Variants in GNL3L observed in about 807,000 individuals in gnomAD.
GNL3L encodes the protein G protein nucleolar 3 like, also known as guanine nucleotide-binding protein-like 3-like protein.
In GNL3L, 4 loss-of-function variants were observed where a neutral mutation model predicts 42.9. The ratio of observed to expected loss-of-function variants is 0.09; its 90% confidence interval spans 0.05 to 0.21. The LOEUF is 0.21. Ranked by LOEUF, GNL3L falls within the 10% of genes least tolerant of loss-of-function variation. GNL3L has a pLI of 1.00. For synonymous variants in GNL3L, 159 were observed against 176.3 expected, an observed-to-expected ratio of 0.90 and a Z score of 0.78; for missense variants, 412 against 481.7, an observed-to-expected ratio of 0.86 and a Z score of 1.36.
At position 54,565,728 on chromosome X, in the gene GNL3L, T is replaced by A. The variant is rs1257085268; in HGVS notation, c.*5126T>A. Among the ~76,000 whole-genome samples the A allele has an allele frequency of 1.8e-5, 2 of 111,148 alleles. No homozygotes were observed. Among genetic ancestry groups the A allele is most frequent in the Non-Finnish European group, 3.8e-5 (2 of 53,054 alleles). On this transcript the variant is annotated 3_prime_UTR_variant, in exon 16 of 16. Transcript: ENST00000360845. ...ATATTTTATATGCTTATTTGCTATC[T>A]ACATATCTTCTTTGGCAAGGTGTTC...
chrX:54,555,296 G>A (rs1925058020), intron 14 of GNL3L, among the ~76,000 whole-genome samples: 1 of 110,688 alleles, frequency 9.0e-6, no homozygotes, highest in South Asian at 3.8e-4. Context: ...TTACAGGCAT[G>A]AGCCACCATG....
intron 2 of GNL3L, among the ~76,000 whole-genome samples, chrX:54,537,806 G>A (rs1424859436): frequency 9.0e-6 from 1 of 110,567 alleles, no homozygotes. Flanking sequence ...ATGGGGTCTT[G>A]CTTTGTTGCC....
chrX:54,625,825 CAA>C (rs1267603841), downstream of GNL3L, among the ~76,000 whole-genome samples: 1 of 110,452 alleles, frequency 9.1e-6, no homozygotes, highest in Non-Finnish European at 1.9e-5. Flanking sequence ...CGGACAATGA[CAA>C]AGCAGAAAAA....
intron 16 of GNL3L, among the ~76,000 whole-genome samples, chrX:54,607,030 TTC>T (rs1172770020): frequency 1.5e-5 from 1 of 68,190 alleles, no homozygotes; most frequent in African/African-American, 1.0e-4. Flanking sequence ...CTTTCTTTCT[TTC>T]TTTCTTTCTT....
chrX:54,549,519 C>T (rs1331855123), intron 9 of GNL3L, among the ~76,000 whole-genome samples: 4 of 112,126 alleles, frequency 3.6e-5, no homozygotes, highest in Non-Finnish European at 5.6e-5. Flanking sequence ...GCCAACATGG[C>T]GAAACCCCAT....
chrX:54,583,687 G>A (rs1043554152), intron 16 of GNL3L, among the ~76,000 whole-genome samples: 3 of 110,457 alleles, frequency 2.7e-5, no homozygotes, highest in African/African-American at 6.6e-5. Flanking sequence ...TGTCACCCAC[G>A]TTGCAGTGTA....
intron 16 of GNL3L, among the ~76,000 whole-genome samples, chrX:54,578,760 T>C (rs1939475740): frequency 1.8e-5 from 2 of 112,495 alleles, no homozygotes; most frequent in Admixed American, 1.9e-4. Context: ...TTAACCTAAG[T>C]TTTTATTCCA....
intron 16 of GNL3L, among the ~76,000 whole-genome samples, chrX:54,599,382 G>T (rs2884905): frequency 0.13 from 14,261 of 110,304 alleles, 911 homozygotes; most frequent in East Asian, 0.49. Context: ...GAAGGAAAAT[G>T]ATATAAATCT....
chrX:54,617,659 G>C (rs922700743), intron 16 of GNL3L, among the ~76,000 whole-genome samples: 1 of 111,389 alleles, frequency 9.0e-6, no homozygotes, highest in Admixed American at 9.6e-5. Context: ...GCCTTTGGGA[G>C]GTGATTAAAT....
At chrX:54,552,209 T>G (rs1924964224) in intron 12 of GNL3L, 83 bp from the exon 13 acceptor site, 3 of 1,024,564 alleles carry the variant, frequency 2.9e-6, no homozygotes, top group Non-Finnish European at 4.1e-6. Flanking sequence ...TTGCTGTTTC[T>G]GGCCTGCAAA....
At chrX:54,607,082 C>CTTTCTTTCTTTCTTTCTTTCTTTCT (rs1557200532) in intron 16 of GNL3L, among the ~76,000 whole-genome samples, 1 of 21,976 alleles carries the variant, frequency 4.6e-5, no homozygotes, top group African/African-American at 1.2e-4. Context: ...CTCTTTCTTT[C>CTTTCTTTCTTTCTTTCTTTCTTTCT]TTCTTTCTTT....
chrX:54,561,319 C>T lies in GNL3L; in HGVS notation c.*717C>T, dbSNP rs1925263986. On this transcript the variant is annotated 3_prime_UTR_variant, in exon 16 of 16. Coordinates refer to ENST00000360845, the MANE Select transcript of GNL3L (RefSeq NM_001184819.2). Reference sequence around the variant, plus strand: ...TGCGGGAGGGTGATGGTTTCTTTACCACCCCACAGGAGATTTCAGTGGCAA... The same window carrying T: ...TGCGGGAGGGTGATGGTTTCTTTACTACCCCACAGGAGATTTCAGTGGCAA... Among the ~76,000 whole-genome samples the T allele has an allele frequency of 9.0e-6, 1 of 111,704 alleles. No individual in the cohort carries two copies. Among genetic ancestry groups the T allele is most frequent in the Non-Finnish European group, 1.9e-5 (1 of 53,155 alleles).
At chrX:54,559,330 T>C (rs181111567) in intron 15 of GNL3L, among the ~76,000 whole-genome samples, 1 of 111,306 alleles carries the variant, frequency 9.0e-6, no homozygotes, top group East Asian at 2.8e-4. Context: ...TATATATCAA[T>C]AGGCAATATA....
At chrX:54,582,985 G>T (rs1925736507) in intron 16 of GNL3L, among the ~76,000 whole-genome samples, 1 of 111,706 alleles carries the variant, frequency 9.0e-6, no homozygotes, top group African/African-American at 3.3e-5. Context: ...CATGTCTTTT[G>T]TATATTTTCT....
chrX:54,599,250 A>G (rs1569542530), intron 16 of GNL3L, among the ~76,000 whole-genome samples: 1 of 112,013 alleles, frequency 8.9e-6, no homozygotes, highest in Non-Finnish European at 1.9e-5. Context: ...CTAAAATTTT[A>G]TATCCAGTGA....
rs758836687 is a variant in GNL3L at position 54,611,185 on chromosome X, A to G, written c.*46-9660A>G. Among the ~76,000 whole-genome samples, 7 of 111,323 alleles carry G rather than the reference A, an allele frequency of 6.3e-5. No individual in the cohort carries two copies. In the East Asian group the frequency reaches 1.1e-3, roughly 18 times the overall value. On this transcript the variant is annotated intron_variant, in intron 16 of 16. Transcript: ENST00000674498. ...TGATCTTTTGTATTTCAGTGGTGTC[A>G]GTTGTAATATCTCCTGTTTCATTTC...
chrX:54,579,999 T>G (rs1473240033), intron 16 of GNL3L, among the ~76,000 whole-genome samples: 1 of 103,556 alleles, frequency 9.7e-6, no homozygotes, highest in Non-Finnish European at 2.0e-5. Flanking sequence ...TTTTTTTTTT[T>G]TTTTTTTTTT....
chrX:54,577,395 C>G (rs2147512439), intron 16 of GNL3L, among the ~76,000 whole-genome samples: 1 of 111,862 alleles, frequency 8.9e-6, no homozygotes, highest in South Asian at 3.7e-4. Flanking sequence ...CACAATTCTG[C>G]TAATAACATC....
chrX:54,554,902 G>C (rs1925043047), intron 14 of GNL3L, among the ~76,000 whole-genome samples: 1 of 111,545 alleles, frequency 9.0e-6, no homozygotes, highest in African/African-American at 3.3e-5. Context: ...TCCCAGCTCT[G>C]GTTCTAGCCC....
Sources: gnomAD v4.1 joint callset for allele counts (sites outside exome capture counted in the v4.1 genomes callset) on GRCh38, gnomAD v4.1.1 for gene constraint, MANE v1.5 for transcripts, NCBI Gene and HGNC (gene_info 2026-07-23, HGNC 2026-07-21) for gene names.